The following CYTH4 variants were observed in gnomAD, a reference collection of about 807,000 sequenced individuals.
CYTH4 encodes the protein cytohesin-4.
Under a neutral mutation model 57.5 loss-of-function variants are expected in CYTH4, and 22 were observed. That is an observed-to-expected ratio of 0.38 (90% CI 0.27 to 0.55). The LOEUF (loss-of-function observed/expected upper bound fraction) is 0.55, where lower values mean the gene tolerates loss of function less well. CYTH4 is among the 20% of genes least tolerant of loss of function. The pLI is 0.74. For missense variants in CYTH4, 420 were observed against 535.6 expected (o/e 0.78, Z 2.13); for synonymous variants, 186 against 206.5 (o/e 0.90, Z 0.85).
chr22:37,290,754 C>T (rs758184934), intron 1 of CYTH4, among the ~76,000 whole-genome samples: 34 of 152,182 alleles, frequency 2.2e-4, no homozygotes, highest in African/African-American at 4.6e-4. Flanking sequence ...GTGACCCGCC[C>T]GCCTCGGCCT....
chr22:37,303,367 A>T lies in CYTH4; in HGVS notation c.661A>T (p.Asn221Tyr). The change falls in exon 8 of 13, where the codon AAC becomes TAC. Residue 221 changes from asparagine (N) to tyrosine (Y), a missense_variant. Transcript: ENST00000248901. ...CTTTGTGTCCATGAACCGCGGCATC[A>T]ACAATGGTAGCGACCTGCCCGAGGA... is the stretch of plus-strand genomic sequence containing the variant. ...ERFVSMNRGI[N>Y]NGSDLPEDQL... 1 of 1,614,128 alleles carries T rather than the reference A, an allele frequency of 6.2e-7. No homozygotes were observed. The highest frequency in any genetic ancestry group is 8.5e-7 in the Non-Finnish European group (1 of 1,179,998).
Position 37,295,895 on chromosome 22 carries a change from G to C in CYTH4, c.168-104G>C, listed in dbSNP as rs773705849. 3.1e-5 allele frequency: 38 copies of C among 1,217,906 alleles called. No homozygotes were observed. The highest frequency in any genetic ancestry group is 4.4e-5 in the Non-Finnish European group (37 of 844,860). The allele number at this position is 1,217,906 out of a possible 1,614,324, so 75.4% of individuals were successfully genotyped here. The stretch of plus-strand genomic sequence containing the variant: ...AGGACCCGGAGGCCACACTTGGAGG[G>C]CCCTAGAGGGGTATGGGCTCCTGCT... On this transcript the variant is annotated intron_variant, in intron 3 of 12. Transcript: ENST00000248901. This position sits in a 1 kb window ranked among gnomAD's most constrained non-coding sequence, Gnocchi z 4.1.
intron 1 of CYTH4, among the ~76,000 whole-genome samples, chr22:37,288,877 T>A (rs978236849): frequency 6.6e-6 from 1 of 152,222 alleles, no homozygotes; most frequent in Non-Finnish European, 1.5e-5. Flanking sequence ...GTGGATCTCA[T>A]GGCCACGTGC....
chr22:37,313,564 C>T lies in CYTH4; in HGVS notation c.*53C>T. On this transcript the variant is annotated 3_prime_UTR_variant, in exon 13 of 13. Coordinates refer to ENST00000248901, the MANE Select transcript of CYTH4 (RefSeq NM_013385.5). ...GTCACCCTGAGAGTCCCATCGCCTG[C>T]AGCACCTGGAGACCCACCTCCCACC... is the stretch of plus-strand genomic sequence containing the variant. 1 of 1,555,816 alleles carries T rather than the reference C, an allele frequency of 6.4e-7. No homozygotes were observed. Among genetic ancestry groups the T allele is most frequent in the Non-Finnish European group, 8.9e-7 (1 of 1,127,594 alleles).
chr22:37,308,947 G>T (rs931082017), intron 8 of CYTH4, among the ~76,000 whole-genome samples: 3 of 152,118 alleles, frequency 2.0e-5, no homozygotes, highest in Non-Finnish European at 4.4e-5. Flanking sequence ...ACCCCTGCTC[G>T]CTCTGCCCTG....
intron 12 of CYTH4, among the ~76,000 whole-genome samples, chr22:37,313,142 G>A (rs1404342264): frequency 6.6e-6 from 1 of 152,242 alleles, no homozygotes; most frequent in Non-Finnish European, 1.5e-5. Context: ...ACCTTCCGAA[G>A]GTCGCCAGTG....
chr22:37,293,733 G>A (rs932991974), intron 2 of CYTH4, among the ~76,000 whole-genome samples: 3 of 152,138 alleles, frequency 2.0e-5, no homozygotes, highest in Non-Finnish European at 4.4e-5. Context: ...GGCTCATGCT[G>A]GTGTCCTTCA....
Position 37,298,381 on chromosome 22 carries a change from AAAG to A in CYTH4, c.353+702_353+704del. On this transcript the variant is annotated intron_variant, in intron 5 of 12. Transcript: ENST00000248901. This position sits in a 1 kb window ranked among gnomAD's most constrained non-coding sequence, Gnocchi z 4.1. Reference sequence around the variant, plus strand: ...GAACGAGACTCCGTCTCAAAAAAAAAAAGAAAAGAAAAGAAAACAAAGAAAGAA... The same window carrying A: ...GAACGAGACTCCGTCTCAAAAAAAAAAAAAGAAAAGAAAACAAAGAAAGAA... The A allele has an allele frequency of 6.2e-6, 1 of 162,286 alleles. No individual in the cohort carries two copies. The highest frequency in any genetic ancestry group is 1.3e-5 in the Non-Finnish European group (1 of 74,794). 10.1% of individuals were successfully genotyped at this position (162,286 alleles called of 1,614,324 possible).
intron 12 of CYTH4, among the ~76,000 whole-genome samples, chr22:37,312,457 G>A (rs1929683275): frequency 6.6e-6 from 1 of 152,248 alleles, no homozygotes; most frequent in African/African-American, 2.4e-5. Flanking sequence ...TGCCTGGCAC[G>A]TGGTGAGTGC....
In CYTH4 at chr22:37,298,368, G is replaced by A. The variant is rs1001168779; in HGVS notation, c.353+686G>A. ...GGCAACAGATTGAGAACGAGACTCCGTCTCAAAAAAAAAAAGAAAAGAAAA... is the reference window on the plus strand; with the variant it reads ...GGCAACAGATTGAGAACGAGACTCCATCTCAAAAAAAAAAAGAAAAGAAAA... On this transcript the variant is annotated intron_variant, in intron 5 of 12. Transcript: ENST00000248901. The surrounding 1 kb of genome is among the most constrained non-coding windows in gnomAD (Gnocchi z 4.1). 3.8e-5 allele frequency: 6 copies of A among 157,076 alleles called. No homozygotes were observed. The highest frequency in any genetic ancestry group is 6.9e-5 in the Non-Finnish European group (5 of 72,420). 9.7% of individuals were successfully genotyped at this position (157,076 alleles called of 1,614,324 possible). A position where few individuals can be genotyped will look rare whatever the true frequency, so the allele number is the denominator to read the frequency against.
At chr22:37,292,588 A>AAGTGATG (rs778394462) in intron 1 of CYTH4, 33 bp from the exon 2 acceptor site, 39 of 1,610,450 alleles carry the variant, frequency 2.4e-5, no homozygotes, top group Non-Finnish European at 3.3e-5. Context: ...GGCTGGAGCC[A>AAGTGATG]AGTGATGGGG....
At chr22:37,308,721 CGTGT>C (rs1569111879) in intron 8 of CYTH4, among the ~76,000 whole-genome samples, 2 of 127,380 alleles carry the variant, frequency 1.6e-5, no homozygotes, top group African/African-American at 6.0e-5. Context: ...TGTGTGTGTG[CGTGT>C]ATGTATGAGT....
intron 1 of CYTH4, among the ~76,000 whole-genome samples, chr22:37,283,587 G>A (rs1051980893): frequency 1.3e-5 from 2 of 148,578 alleles, no homozygotes; most frequent in African/African-American, 5.0e-5. Context: ...TGGAAGCCTC[G>A]GGCCCCAGGG....
chr22:37,309,602 T>C (rs2145870693), intron 9 of CYTH4, among the ~76,000 whole-genome samples: 1 of 152,320 alleles, frequency 6.6e-6, no homozygotes, highest in Admixed American at 6.5e-5. Flanking sequence ...ATGCTTCAGC[T>C]GCGGTTCTGT....
chr22:37,303,435 C>T (rs116494108), intron 8 of CYTH4, 33 bp downstream of exon 8: 24,595 of 1,602,120 alleles, frequency 0.015, 244 homozygotes, highest in Non-Finnish European at 0.018. Context: ...AGCCTGGCCC[C>T]GGGGAATCCA....
intron 2 of CYTH4, 104 bp from the exon 3 acceptor site, chr22:37,294,556 T>G: frequency 7.6e-7 from 1 of 1,318,400 alleles, no homozygotes; most frequent in Non-Finnish European, 1.1e-6. Flanking sequence ...GGGGCCAGGT[T>G]TGAGAGTCGT....
intron 4 of CYTH4, 174 bp downstream of exon 4, chr22:37,296,239 T>C: frequency 1.5e-6 from 1 of 681,260 alleles, no homozygotes; most frequent in East Asian, 2.8e-5. Context: ...CTGGGCGCCC[T>C]GTCTACTCCC....
At chr22:37,287,189 CAG>C (rs1250057574) in intron 1 of CYTH4, among the ~76,000 whole-genome samples, 3 of 152,162 alleles carry the variant, frequency 2.0e-5, no homozygotes, top group Non-Finnish European at 1.5e-5. Flanking sequence ...GGGGCTGGAA[CAG>C]AGGATGTGTG....
chr22:37,284,096 G>A (rs1342332399), intron 1 of CYTH4, among the ~76,000 whole-genome samples: 11 of 152,178 alleles, frequency 7.2e-5, no homozygotes, highest in South Asian at 2.1e-4. Context: ...GAGAACCTGC[G>A]GGAGAGAGCC....
Sources: allele counts gnomAD v4.1 joint callset (sites outside exome capture counted in the v4.1 genomes callset), GRCh38; gene constraint gnomAD v4.1.1; non-coding constraint Gnocchi (gnomAD v3.1); transcripts MANE v1.5; gene names NCBI Gene and HGNC (gene_info 2026-07-23, HGNC 2026-07-21).